Variants in FTO observed in about 807,000 individuals in gnomAD.
FTO encodes the protein FTO alpha-ketoglutarate dependent dioxygenase, also known as alpha-ketoglutarate-dependent dioxygenase FTO.
FTO carries 47 observed loss-of-function variants against 63.9 expected under a neutral mutation model. The observed-to-expected ratio is 0.74, with a 90% confidence interval of 0.58 to 0.94. The LOEUF is 0.94. Ranked by LOEUF, FTO falls within the 40% of genes least tolerant of loss-of-function variation. The pLI is 0.00. For missense variants in FTO, 562 were observed against 618.1 expected, an observed-to-expected ratio of 0.91 and a Z score of 0.96; for synonymous variants, 207 against 224.4, an observed-to-expected ratio of 0.92 and a Z score of 0.69.
chr16:53,963,319 T>A lies in FTO; in HGVS notation c.1364+29210T>A, dbSNP rs16952699. ...AATCTTACCTGGACTTACTTTTCTG[T>A]ATATTTGTGTTATTGTTGGGGCCTA... On this transcript the variant is annotated intron_variant, in intron 8 of 8. Coordinates refer to ENST00000471389, the MANE Select transcript of FTO (RefSeq NM_001080432.3). 6.2e-3 allele frequency among the ~76,000 whole-genome samples: 948 copies of A among 152,276 alleles called. 11 individuals carry two copies. Among genetic ancestry groups the A allele is most frequent in the African/African-American group, 0.022 (903 of 41,566 alleles).
intron 8 of FTO, among the ~76,000 whole-genome samples, chr16:54,106,583 AATT>A (rs2086757242): frequency 7.1e-6 from 1 of 141,228 alleles, no homozygotes. Context: ...TTTATTATAT[AATT>A]ATAATAATAG....
intron 8 of FTO, chr16:53,979,288 G>T (rs1030879669): frequency 1.5e-5 from 6 of 396,918 alleles, no homozygotes; most frequent in Admixed American, 4.4e-5. Context: ...AGTGTACATT[G>T]TAAGTTCCTA....
intron 1 of FTO, among the ~76,000 whole-genome samples, chr16:53,720,350 T>A (rs906027365): frequency 2.0e-5 from 3 of 152,118 alleles, no homozygotes; most frequent in African/African-American, 7.2e-5. Flanking sequence ...ATACTAACAA[T>A]GTTATGTAGA....
chr16:53,883,664 T>G (rs1212764048), intron 6 of FTO, among the ~76,000 whole-genome samples: 1 of 149,976 alleles, frequency 6.7e-6, no homozygotes, highest in African/African-American at 2.5e-5. Flanking sequence ...TTTGTCTGCT[T>G]CAGAAAGTGA....
chr16:53,778,724 T>C (rs1158296171), intron 1 of FTO, among the ~76,000 whole-genome samples: 1 of 152,170 alleles, frequency 6.6e-6, no homozygotes, highest in East Asian at 1.9e-4. Flanking sequence ...TTCTCTCCTG[T>C]CCTGAGATTG....
At chr16:54,028,075 T>C (rs2084754181) in intron 8 of FTO, among the ~76,000 whole-genome samples, 1 of 152,192 alleles carries the variant, frequency 6.6e-6, no homozygotes, top group African/African-American at 2.4e-5. Flanking sequence ...ATAAAGTATC[T>C]TATCTGTCAG....
chr16:54,031,671 A>C (rs2084835600), intron 8 of FTO, among the ~76,000 whole-genome samples: 1 of 152,192 alleles, frequency 6.6e-6, no homozygotes, highest in Non-Finnish European at 1.5e-5. Context: ...TCTATGAAGC[A>C]ATGGGAGAAG....
intron 8 of FTO, among the ~76,000 whole-genome samples, chr16:53,943,519 T>G (rs1237199822): frequency 6.6e-6 from 1 of 152,256 alleles, no homozygotes; most frequent in African/African-American, 2.4e-5. Context: ...AAGTGTCTAT[T>G]GTTTTCTAAG....
chr16:54,028,464 A>G (rs1204290246), intron 8 of FTO, among the ~76,000 whole-genome samples: 1 of 152,208 alleles, frequency 6.6e-6, no homozygotes, highest in Non-Finnish European at 1.5e-5. Flanking sequence ...GATAACAAAG[A>G]TGTGCCAAGC....
intron 1 of FTO, among the ~76,000 whole-genome samples, chr16:53,753,023 G>A (rs952097935): frequency 5.3e-5 from 8 of 151,682 alleles, no homozygotes; most frequent in East Asian, 1.9e-4. Context: ...CACTTTGGGA[G>A]GCTGAGGCAA....
At position 53,787,547 on chromosome 16, in the gene FTO, A is replaced by G. The variant is rs563698042; in HGVS notation, c.46-22593A>G. On this transcript the variant is annotated intron_variant, in intron 1 of 8. Transcript: ENST00000471389. ...GAATTTAAAAGCAAAAATTAAAAAAAAATTATTTTGTATTAGGTTTCAAAG... is the reference window on the plus strand; with the variant it reads ...GAATTTAAAAGCAAAAATTAAAAAAGAATTATTTTGTATTAGGTTTCAAAG... Among the ~76,000 whole-genome samples, 6 of 152,280 alleles carry G rather than the reference A, an allele frequency of 3.9e-5. No individual in the cohort carries two copies. In the East Asian group the frequency reaches 9.6e-4, roughly 24 times the overall value.
chr16:53,955,714 A>G (rs1170397697), intron 8 of FTO, among the ~76,000 whole-genome samples: 2 of 152,234 alleles, frequency 1.3e-5, no homozygotes, highest in Non-Finnish European at 2.9e-5. Context: ...GTTGGGAAAG[A>G]GACATAATTG....
intron 8 of FTO, among the ~76,000 whole-genome samples, chr16:53,955,989 T>G (rs1365487782): frequency 6.6e-6 from 1 of 152,128 alleles, no homozygotes; most frequent in Non-Finnish European, 1.5e-5. Context: ...ACAAAAAAAT[T>G]TTTAAATAAA....
chr16:53,934,044 A>C lies in FTO; in HGVS notation c.1299A>C (p.Glu433Asp). Residue 433 changes from glutamate (E) to aspartate (D), a missense_variant, in exon 8 of 9, where the codon GAA becomes GAC. Transcript: ENST00000471389. ...REGLPVEQRNEILTAILASLT... is the reference protein window; with the variant it reads ...REGLPVEQRNDILTAILASLT... ...GGCTCCCCGTGGAACAAAGGAATGA[A>C]ATCTTGACTGCCATCCTTGCCTCGC... 6.2e-7 allele frequency: 1 copy of C among 1,614,156 alleles called. No homozygotes were observed. The highest frequency in any genetic ancestry group is 8.5e-7 in the Non-Finnish European group (1 of 1,180,002).
At chr16:53,752,725 C>T (rs1482297450) in intron 1 of FTO, among the ~76,000 whole-genome samples, 2 of 152,122 alleles carry the variant, frequency 1.3e-5, no homozygotes, top group Non-Finnish European at 2.9e-5. Context: ...TTAACACTGT[C>T]TTCTAACCCA....
intron 4 of FTO, among the ~76,000 whole-genome samples, chr16:53,852,754 G>C (rs2079849964): frequency 6.6e-6 from 1 of 152,134 alleles, no homozygotes; most frequent in Non-Finnish European, 1.5e-5. Context: ...GTACATTTTA[G>C]CTTGCTTTGT....
intron 1 of FTO, among the ~76,000 whole-genome samples, chr16:53,717,649 AAC>A (rs1567924043): frequency 6.6e-6 from 1 of 152,044 alleles, no homozygotes; most frequent in Non-Finnish European, 1.5e-5. Context: ...GTATTAGATT[AAC>A]AGTCATGCAT....
rs190054322 is a variant in FTO, at chr16:54,103,792, A to G, written c.1365-7970A>G. On this transcript the variant is annotated intron_variant, in intron 8 of 8. Coordinates refer to ENST00000471389, the MANE Select transcript of FTO (RefSeq NM_001080432.3). ...ACAAATTCATTGACTTGTTCTTTTCAGAGGATTTAGAGTGTCAAGGGAAAG... is the reference window on the plus strand; with the variant it reads ...ACAAATTCATTGACTTGTTCTTTTCGGAGGATTTAGAGTGTCAAGGGAAAG... Among the ~76,000 whole-genome samples, 20 of 152,360 alleles carry G rather than the reference A, an allele frequency of 1.3e-4. No individual in the cohort carries two copies. In the East Asian group the frequency reaches 3.9e-3, roughly 29 times the overall value.
At chr16:53,914,090 C>T (rs1386526158) in intron 7 of FTO, among the ~76,000 whole-genome samples, 2 of 152,120 alleles carry the variant, frequency 1.3e-5, no homozygotes, top group African/African-American at 4.8e-5. Flanking sequence ...GATCACTTCC[C>T]AGGGACTCTC....
Sources: gnomAD v4.1 joint callset for allele counts (sites outside exome capture counted in the v4.1 genomes callset) on GRCh38, gnomAD v4.1.1 for gene constraint, MANE v1.5 for transcripts, NCBI Gene and HGNC (gene_info 2026-07-23, HGNC 2026-07-21) for gene names.